EPAS1: variants seen among roughly 807,000 people sequenced by gnomAD.
EPAS1 encodes the protein endothelial PAS domain-containing protein 1.
EPAS1 carries 23 observed loss-of-function variants against 87.9 expected under a neutral mutation model. That is an observed-to-expected ratio of 0.26 (90% confidence interval 0.19 to 0.37). The LOEUF (loss-of-function observed/expected upper bound fraction) is 0.37, where lower values mean the gene tolerates loss of function less well. Among genes scored for constraint, EPAS1 ranks in the 10% least tolerant of loss-of-function variants. The pLI is 1.00. For missense variants in EPAS1, 1,138 were observed against 1,120.7 expected, an observed-to-expected ratio of 1.02 and a Z score of -0.22; for synonymous variants, 508 against 444.3, an observed-to-expected ratio of 1.14 and a Z score of -1.80.
chr2:46,374,528 C>T (rs116094060), intron 7 of EPAS1, among the ~76,000 whole-genome samples: 2,051 of 152,142 alleles, frequency 0.013, 20 homozygotes, highest in Non-Finnish European at 0.019. Flanking sequence ...CAGTTATTAC[C>T]GTTACTACTA....
chr2:46,354,981 AAG>A (rs1353975593), intron 2 of EPAS1, among the ~76,000 whole-genome samples: 1 of 152,060 alleles, frequency 6.6e-6, no homozygotes, highest in Non-Finnish European at 1.5e-5. Context: ...TGTTTTTTCT[AAG>A]ACTCTTCAAA....
intron 1 of EPAS1, among the ~76,000 whole-genome samples, chr2:46,301,214 TTCTGGATAA>T (rs1193990048): frequency 6.6e-6 from 1 of 152,154 alleles, no homozygotes. Flanking sequence ...ACTTTTCTCT[TTCTGGATAA>T]GGAAACTGAT....
chr2:46,313,388 C>A (rs1469111244), intron 1 of EPAS1, among the ~76,000 whole-genome samples: 1 of 152,230 alleles, frequency 6.6e-6, no homozygotes, highest in South Asian at 2.1e-4. Context: ...CTTTAGTTAA[C>A]CTCCCTCCTG....
chr2:46,297,785 G>C lies in EPAS1; in HGVS notation c.-127G>C. 7.5e-7 allele frequency: 1 copy of C among 1,334,572 alleles called. No individual in the cohort carries two copies. The highest frequency in any genetic ancestry group is 1.3e-5 in the South Asian group (1 of 79,356). The allele number at this position is 1,334,572 out of a possible 1,614,324, so 82.7% of individuals were successfully genotyped here. A position where few individuals can be genotyped will look rare whatever the true frequency, so the allele number is the denominator to read the frequency against. On this transcript the variant is annotated 5_prime_UTR_variant, in exon 1 of 16. Coordinates refer to ENST00000263734, the MANE Select transcript of EPAS1 (RefSeq NM_001430.5). ...CCACCTGACTGCGCGGGGCGCTCGG[G>C]ACCTGCGCGCACCTCGGACCTTCAC...
chr2:46,356,419 C>A, intron 3 of EPAS1, 117 bp downstream of exon 3: 10 of 1,329,902 alleles, frequency 7.5e-6, no homozygotes, highest in Non-Finnish European at 9.6e-6. Context: ...CCCACGGTGA[C>A]CCTCGCTGAC....
intron 1 of EPAS1, among the ~76,000 whole-genome samples, chr2:46,312,134 C>T (rs188927480): frequency 6.6e-6 from 1 of 152,286 alleles, no homozygotes; most frequent in East Asian, 1.9e-4. Flanking sequence ...ATTTCTTTGC[C>T]TCCAAAATTA....
intron 1 of EPAS1, among the ~76,000 whole-genome samples, chr2:46,341,314 G>A (rs1238969550): frequency 6.6e-6 from 1 of 152,152 alleles, no homozygotes; most frequent in Non-Finnish European, 1.5e-5. Context: ...TGGGTAAACT[G>A]GATAATATTG....
At chr2:46,377,831 C>A (rs1318889545) in intron 9 of EPAS1, 63 bp from the exon 10 acceptor site, 1 of 1,551,290 alleles carries the variant, frequency 6.4e-7, no homozygotes, top group Non-Finnish European at 8.7e-7. Context: ...TTTTGGGCCT[C>A]CTCTGCCTTG....
intron 1 of EPAS1, among the ~76,000 whole-genome samples, chr2:46,337,252 C>A (rs935369141): frequency 6.6e-6 from 1 of 152,166 alleles, no homozygotes; most frequent in African/African-American, 2.4e-5. Flanking sequence ...TCAAGGAGAG[C>A]AACACAGGGC....
intron 6 of EPAS1, among the ~76,000 whole-genome samples, chr2:46,368,285 G>A (rs1380766909): frequency 3.9e-5 from 6 of 152,122 alleles, no homozygotes; most frequent in Non-Finnish European, 8.8e-5. Flanking sequence ...GAGGTGTCAG[G>A]GCTTGGAGAA....
At chr2:46,322,655 A>T (rs890661963) in intron 1 of EPAS1, among the ~76,000 whole-genome samples, 1 of 152,216 alleles carries the variant, frequency 6.6e-6, no homozygotes, top group African/African-American at 2.4e-5. Context: ...CCATTTATAG[A>T]TGAGGAGCTG....
intron 9 of EPAS1, among the ~76,000 whole-genome samples, chr2:46,377,021 TCTC>T (rs1332021442): frequency 6.6e-6 from 1 of 152,070 alleles, no homozygotes; most frequent in Non-Finnish European, 1.5e-5. Flanking sequence ...GAGGGTCGAT[TCTC>T]CACCATGGGT....
chr2:46,386,058 C>T lies in EPAS1; in HGVS notation c.*1398C>T, dbSNP rs547550765. 21 of 152,878 alleles carry T rather than the reference C, an allele frequency of 1.4e-4. No homozygotes were observed. Among genetic ancestry groups the T allele is most frequent in the Admixed American group, 1.3e-3 (20 of 15,312 alleles). 9.5% of individuals were successfully genotyped at this position (152,878 alleles called of 1,614,324 possible). On this transcript the variant is annotated 3_prime_UTR_variant, in exon 16 of 16. Coordinates refer to ENST00000263734, the MANE Select transcript of EPAS1 (RefSeq NM_001430.5). ...CACTCAGCCGGCAGCCAGATGGCCC[C>T]GCAAGGCCTCCAGGGATGGCCCCTA...
At chr2:46,308,310 C>T (rs1683147048) in intron 1 of EPAS1, among the ~76,000 whole-genome samples, 1 of 152,188 alleles carries the variant, frequency 6.6e-6, no homozygotes, top group South Asian at 2.1e-4. Context: ...GCATTACTAG[C>T]TTTTGGTTGT....
At position 46,300,214 on chromosome 2, in the gene EPAS1, T is replaced by C. The variant is rs561184021; in HGVS notation, c.26+2277T>C. On this transcript the variant is annotated intron_variant, in intron 1 of 15. Coordinates refer to ENST00000263734, the MANE Select transcript of EPAS1 (RefSeq NM_001430.5). The surrounding 1 kb of genome is among the most constrained non-coding windows in gnomAD (Gnocchi z 4.1). ...ACCAATACATTGAAAGTTGGTGTTG[T>C]CATGTAAGTGACTGCTGTAGCTTTT... Among the ~76,000 whole-genome samples the C allele has an allele frequency of 6.6e-6, 1 of 152,304 alleles. No homozygotes were observed. Among genetic ancestry groups the C allele is most frequent in the South Asian group, 2.1e-4 (1 of 4,826 alleles).
chr2:46,314,399 G>A (rs1683273546), intron 1 of EPAS1, among the ~76,000 whole-genome samples: 1 of 152,208 alleles, frequency 6.6e-6, no homozygotes, highest in South Asian at 2.1e-4. Flanking sequence ...ATGCCAAAGG[G>A]AGTGTGGGTC....
chr2:46,367,857 AG>A (rs1438438453), intron 6 of EPAS1, among the ~76,000 whole-genome samples: 1 of 152,232 alleles, frequency 6.6e-6, no homozygotes, highest in Non-Finnish European at 1.5e-5. Context: ...GATGACTTAC[AG>A]AATGAAGAAA....
At chr2:46,303,421 C>T (rs1017847382) in intron 1 of EPAS1, among the ~76,000 whole-genome samples, 4 of 152,104 alleles carry the variant, frequency 2.6e-5, no homozygotes, top group Admixed American at 1.3e-4. Flanking sequence ...TCATGTACTT[C>T]GACACCATAC....
Position 46,369,898 on chromosome 2 carries a change from T to C in EPAS1, c.851T>C (p.Leu284Pro). ...GRSAYEFYHA[L>P]DSENMTKSHQ... ...TCAGCCTATGAATTCTACCATGCGC[T>C]AGACTCCGAGAACATGACCAAGAGT... is the stretch of plus-strand genomic sequence containing the variant. The change falls in exon 7 of 16, where the codon CTA becomes CCA. Residue 284 changes from leucine (L) to proline (P), a missense_variant. Around this residue, in one of 4 missense-constraint regions of EPAS1, gnomAD observed 351 missense variants for 417.1 expected, o/e 0.84. Coordinates refer to ENST00000263734, the MANE Select transcript of EPAS1 (RefSeq NM_001430.5). 1 of 1,612,534 alleles carries C rather than the reference T, an allele frequency of 6.2e-7. No individual in the cohort carries two copies. The highest frequency in any genetic ancestry group is 8.5e-7 in the Non-Finnish European group (1 of 1,179,294).
Sources: gnomAD v4.1 joint callset for allele counts (sites outside exome capture counted in the v4.1 genomes callset) on GRCh38, gnomAD v4.1.1 for gene constraint, gnomAD v4.1.1 regional missense constraint, Gnocchi (gnomAD v3.1) non-coding constraint, MANE v1.5 for transcripts, NCBI Gene and HGNC (gene_info 2026-07-23, HGNC 2026-07-21) for gene names.